The following ZNF592 variants were observed in gnomAD, a reference collection of about 807,000 sequenced individuals.
ZNF592 encodes zinc finger protein 592, also known as spinocerebellar ataxia, autosomal recessive 5.
In ZNF592, 11 loss-of-function variants were observed where a neutral mutation model predicts 80.3. That is an observed-to-expected ratio of 0.14 (90% CI 0.09 to 0.23). The LOEUF is 0.23. Among genes scored for constraint, ZNF592 ranks in the 10% least tolerant of loss-of-function variants. The pLI, the probability that ZNF592 is intolerant of heterozygous loss-of-function variation, is 1.00. For synonymous variants in ZNF592, 646 were observed against 640.3 expected, an observed-to-expected ratio of 1.01 and a Z score of -0.13; for missense variants, 1,420 against 1,633.9, an observed-to-expected ratio of 0.87 and a Z score of 2.26.
At chr15:84,768,061 A>ATTTTTTT (rs71135308) in intron 2 of ZNF592, among the ~76,000 whole-genome samples, 21 of 137,514 alleles carry the variant, frequency 1.5e-4, no homozygotes, top group South Asian at 9.4e-4. Context: ...TTTAATTTTA[A>ATTTTTTT]TTTTTTTTTT....
rs1962964712 is a variant in ZNF592, at chr15:84,797,858, C to T, written c.2400-11C>T. The stretch of plus-strand genomic sequence containing the variant: ...CTCCACCCACACTCACACTACCCCA[C>T]TTCTGTCTAGGTGCATCCACTGTGG... On this transcript the variant is annotated splice_polypyrimidine_tract_variant and intron_variant, in intron 5 of 10. Coordinates refer to ENST00000560079, the MANE Select transcript of ZNF592 (RefSeq NM_014630.3). 1.2e-6 allele frequency: 2 copies of T among 1,614,112 alleles called. No individual in the cohort carries two copies. The highest frequency in any genetic ancestry group is 4.5e-5 in the East Asian group (2 of 44,894).
At chr15:84,756,027 C>T (rs1899159598) in intron 1 of ZNF592, among the ~76,000 whole-genome samples, 1 of 152,128 alleles carries the variant, frequency 6.6e-6, no homozygotes, top group African/African-American at 2.4e-5. Context: ...TCTGGTGTGG[C>T]TCTGGGCTGA....
At chr15:84,767,341 G>C (rs572945604) in intron 2 of ZNF592, among the ~76,000 whole-genome samples, 1 of 152,046 alleles carries the variant, frequency 6.6e-6, no homozygotes, top group South Asian at 2.1e-4. Flanking sequence ...TGTTTTCTAG[G>C]GTCCTTTGCG....
chr15:84,806,425 A>G lies in ZNF592; in HGVS notation c.*4032A>G, dbSNP rs1479038488. 1 of 152,186 alleles carries G rather than the reference A, an allele frequency of 6.6e-6. No individual in the cohort carries two copies. Among genetic ancestry groups the G allele is most frequent in the African/African-American group, 2.4e-5 (1 of 41,456 alleles). 9.4% of individuals were successfully genotyped at this position (152,186 alleles called of 1,614,324 possible). A position where few individuals can be genotyped will look rare whatever the true frequency, so the allele number is the denominator to read the frequency against. On this transcript the variant is annotated 3_prime_UTR_variant, in exon 11 of 11. Coordinates refer to ENST00000560079, the MANE Select transcript of ZNF592 (RefSeq NM_014630.3). ...TTTAGAGAAATTAAAAAGCACACAT[A>G]TTTATAATCTCTTCCTCTTACCATT...
chr15:84,780,071 C>T (rs1232067243), intron 3 of ZNF592, among the ~76,000 whole-genome samples: 1 of 150,378 alleles, frequency 6.6e-6, no homozygotes, highest in African/African-American at 2.4e-5. Context: ...ACTGCAACCT[C>T]CTCCTCCTGG....
At chr15:84,776,460 C>T (rs548744229) in intron 2 of ZNF592, among the ~76,000 whole-genome samples, 7 of 152,262 alleles carry the variant, frequency 4.6e-5, no homozygotes, top group Admixed American at 2.0e-4. Context: ...AAGAATTTTA[C>T]ATTAATGATT....
In ZNF592 at chr15:84,783,759, C is replaced by T. The variant is rs1035294230; in HGVS notation, c.1084C>T (p.Pro362Ser). The change falls in exon 4 of 11, where the codon CCG becomes TCG. Residue 362 changes from proline (P) to serine (S), a missense_variant. Coordinates refer to ENST00000560079, the MANE Select transcript of ZNF592 (RefSeq NM_014630.3). This position sits in a 1 kb window ranked among gnomAD's most constrained non-coding sequence, Gnocchi z 5.0. ...CAGTGACAGCAGCAGCAAAGGCTCA[C>T]CGTCTGTGGCTGCCAGCTCCCCACC... ...ICSDSSSKGS[P>S]SVAASSPPAI... 6 of 1,614,104 alleles carry T rather than the reference C, an allele frequency of 3.7e-6. No homozygotes were observed. In the African/African-American group the frequency reaches 8.0e-5, roughly 22 times the overall value.
chr15:84,780,131 C>T (rs1477599918), intron 3 of ZNF592, among the ~76,000 whole-genome samples: 1 of 151,884 alleles, frequency 6.6e-6, no homozygotes, highest in African/African-American at 2.4e-5. Context: ...GTACTACAGG[C>T]GTGTGCCACC....
At chr15:84,764,890 A>ATTTTG in intron 2 of ZNF592, 75 bp downstream of exon 2, 2 of 341,678 alleles carry the variant, frequency 5.9e-6, no homozygotes, top group Non-Finnish European at 9.7e-6. Flanking sequence ...TGTTCCCTGG[A>ATTTTG]TTTTGTTTTG....
chr15:84,797,985 C>A lies in ZNF592; in HGVS notation c.2516C>A (p.Ala839Asp). 6.2e-7 allele frequency: 1 copy of A among 1,614,190 alleles called. No homozygotes were observed. Among genetic ancestry groups the A allele is most frequent in the East Asian group, 2.2e-5 (1 of 44,884 alleles). ...CAFCPMAFKT[A>D]SSTADHSATQ... ...TTCTGCCCCATGGCCTTCAAGACTG[C>A]CAGCAGCACTGCAGACCACAGTGCC... Residue 839 changes from alanine (A) to aspartate (D), a missense_variant, in exon 6 of 11, where the codon GCC becomes GAC. Transcript: ENST00000560079.
intron 1 of ZNF592, among the ~76,000 whole-genome samples, chr15:84,756,936 AC>A (rs1899189661): frequency 6.6e-6 from 1 of 151,732 alleles, no homozygotes; most frequent in Non-Finnish European, 1.5e-5. Context: ...ACATGGTGAA[AC>A]CCCGTCTCTA....
Position 84,799,728 on chromosome 15 carries a change from C to T in ZNF592, c.3138-114C>T, listed in dbSNP as rs1963036437. 1 of 1,538,810 alleles carries T rather than the reference C, an allele frequency of 6.5e-7. No homozygotes were observed. The highest frequency in any genetic ancestry group is 1.7e-5 in the Admixed American group (1 of 59,770). ...CTGGATCTCTCTGGGGTTCCCAGCA[C>T]TAGCCAGCCCAGGAGTCTGCTCCAG... On this transcript the variant is annotated intron_variant, in intron 9 of 10. Coordinates refer to ENST00000560079, the MANE Select transcript of ZNF592 (RefSeq NM_014630.3). The surrounding 1 kb of genome is among the most constrained non-coding windows in gnomAD (Gnocchi z 4.2).
chr15:84,756,714 C>G (rs1240988577), intron 1 of ZNF592, among the ~76,000 whole-genome samples: 1 of 152,152 alleles, frequency 6.6e-6, no homozygotes, highest in Non-Finnish European at 1.5e-5. Context: ...GGCTATAAAT[C>G]TTTAGGCCCT....
intron 1 of ZNF592, among the ~76,000 whole-genome samples, chr15:84,759,965 CCACCCT>C (rs776918973): frequency 0.05 from 1,595 of 31,864 alleles, 52 homozygotes; most frequent in Non-Finnish European, 0.069. Context: ...CCCCCCCCCC[CCACCCT>C]GCCATTTAAA....
intron 1 of ZNF592, among the ~76,000 whole-genome samples, chr15:84,757,285 G>T (rs1207109973): frequency 1.3e-5 from 2 of 151,590 alleles, no homozygotes; most frequent in African/African-American, 4.9e-5. Context: ...GGGACTACAG[G>T]TGTACCACTG....
Position 84,783,802 on chromosome 15 carries a change from GAATC to G in ZNF592, c.1130_1133del (p.Ile377LysfsTer33). 6.2e-7 allele frequency: 1 copy of G among 1,614,222 alleles called. No individual in the cohort carries two copies. Among genetic ancestry groups the G allele is most frequent in the East Asian group, 2.2e-5 (1 of 44,882 alleles). ...TCCCCACCAGCAATTCCCAAAGTGA[GAATC>G]AAAACCATTAAGACATCATCAGGGG... On this transcript the variant is annotated frameshift_variant, in exon 4 of 11. Transcript: ENST00000560079. LOFTEE classifies it high-confidence loss of function. The surrounding 1 kb of genome is among the most constrained non-coding windows in gnomAD (Gnocchi z 5.0).
chr15:84,756,286 G>A (rs761234655), intron 1 of ZNF592, among the ~76,000 whole-genome samples: 14 of 152,266 alleles, frequency 9.2e-5, no homozygotes, highest in Non-Finnish European at 1.9e-4. Flanking sequence ...GCAAGCTAGA[G>A]CCAATGTGAG....
chr15:84,798,694 C>G lies in ZNF592; in HGVS notation c.2843C>G (p.Ala948Gly). 6.2e-7 allele frequency: 1 copy of G among 1,613,754 alleles called. No homozygotes were observed. Among genetic ancestry groups the G allele is most frequent in the Non-Finnish European group, 8.5e-7 (1 of 1,180,036 alleles). Residue 948 changes from alanine to glycine, a missense_variant, in exon 8 of 11, where the codon GCC becomes GGC. By Grantham distance (60) the Ala-to-Gly change is moderately conservative. Coordinates refer to ENST00000560079, the MANE Select transcript of ZNF592 (RefSeq NM_014630.3). This position sits in a 1 kb window ranked among gnomAD's most constrained non-coding sequence, Gnocchi z 4.5. ...TCTCGAGTTCCCACTGAGCCACCAG[C>G]CACTAGTGTGGCTGCTCGGAGCAGC... is the stretch of plus-strand genomic sequence containing the variant. ...PGSRVPTEPP[A>G]TSVAARSSSL...
chr15:84,782,500 T>G (rs1962447163), intron 3 of ZNF592, among the ~76,000 whole-genome samples, 157 bp from the exon 4 acceptor site: 1 of 152,152 alleles, frequency 6.6e-6, no homozygotes, highest in Non-Finnish European at 1.5e-5. Flanking sequence ...TTTAGAAACC[T>G]GTTGGGGTAA....
Sources: gnomAD v4.1 joint callset for allele counts (sites outside exome capture counted in the v4.1 genomes callset) on GRCh38, gnomAD v4.1.1 for gene constraint, Gnocchi (gnomAD v3.1) non-coding constraint, MANE v1.5 for transcripts, NCBI Gene and HGNC (gene_info 2026-07-23, HGNC 2026-07-21) for gene names.